Variants in PPP4R4 observed in about 807,000 individuals in gnomAD.
The protein encoded by PPP4R4 is protein phosphatase 4 regulatory subunit 4.
A neutral mutation model predicts 121.8 loss-of-function variants in PPP4R4; 70 were observed. The observed-to-expected ratio is 0.57, with a 90% confidence interval of 0.47 to 0.70. The LOEUF (loss-of-function observed/expected upper bound fraction) is 0.70, where lower values mean the gene tolerates loss of function less well. PPP4R4 is among the 30% of genes least tolerant of loss of function. The pLI, the probability that PPP4R4 is intolerant of heterozygous loss-of-function variation, is 0.00. For synonymous variants in PPP4R4, 348 were observed against 355.7 expected, an observed-to-expected ratio of 0.98 and a Z score of 0.24; for missense variants, 875 against 1,033.6, an observed-to-expected ratio of 0.85 and a Z score of 2.10.
intron 2 of PPP4R4, among the ~76,000 whole-genome samples, chr14:94,198,132 G>A (rs997284926): frequency 1.3e-5 from 2 of 152,024 alleles, no homozygotes; most frequent in Non-Finnish European, 2.9e-5. Flanking sequence ...CAAAATGATC[G>A]TATTATTTTA....
In PPP4R4 at chr14:94,176,077, GAC is replaced by G; in HGVS notation, c.143_144del (p.Thr48SerfsTer3). ...LKTPEEIERL[T>X]VDEDLSDIER... ...AGACACCGGAAGAAATAGAAAGATT[GAC>G]AGTCGATGAAGACCTCAGTGATATT... On this transcript the variant is annotated frameshift_variant, in exon 2 of 25. Transcript: ENST00000304338. LOFTEE classifies it high-confidence loss of function. 6.2e-7 allele frequency: 1 copy of G among 1,612,676 alleles called. No homozygotes were observed. Among genetic ancestry groups the G allele is most frequent in the Non-Finnish European group, 8.5e-7 (1 of 1,178,636 alleles).
intron 2 of PPP4R4, among the ~76,000 whole-genome samples, chr14:94,190,860 A>G (rs1015652813): frequency 7.7e-6 from 1 of 130,244 alleles, no homozygotes; most frequent in Non-Finnish European, 1.6e-5. Flanking sequence ...ACTGTAGAGC[A>G]GTGATTTCCA....
At chr14:94,211,786 T>C (rs1022590769) in intron 3 of PPP4R4, among the ~76,000 whole-genome samples, 10 of 152,146 alleles carry the variant, frequency 6.6e-5, no homozygotes, top group African/African-American at 2.4e-4. Context: ...TAGAGAGCAG[T>C]AGACATATCT....
intron 2 of PPP4R4, among the ~76,000 whole-genome samples, chr14:94,179,732 G>T (rs1468713589): frequency 6.6e-6 from 1 of 152,156 alleles, no homozygotes; most frequent in Admixed American, 6.5e-5. Flanking sequence ...ACTTAGTGGC[G>T]CTTTCTTCAA....
At chr14:94,237,493 C>A in intron 7 of PPP4R4, 72 bp from the exon 8 acceptor site, 2 of 1,412,694 alleles carry the variant, frequency 1.4e-6, no homozygotes, top group Admixed American at 1.9e-5. Context: ...CTAGCCCAGT[C>A]ACTGGTTTTT....
chr14:94,257,324 T>C (rs1319646034), intron 17 of PPP4R4, among the ~76,000 whole-genome samples: 1 of 152,108 alleles, frequency 6.6e-6, no homozygotes, highest in Non-Finnish European at 1.5e-5. Flanking sequence ...TTTTTATAAG[T>C]TGAAGTGAAA....
chr14:94,191,986 AT>A (rs937722130), intron 2 of PPP4R4, among the ~76,000 whole-genome samples: 1 of 151,946 alleles, frequency 6.6e-6, no homozygotes, highest in South Asian at 2.1e-4. Flanking sequence ...GGTGAATCCC[AT>A]TTTTTTTCCT....
At chr14:94,278,588 C>T (rs1434804542) in intron 24 of PPP4R4, 31 bp from the exon 25 acceptor site, 3 of 1,501,754 alleles carry the variant, frequency 2.0e-6, no homozygotes, top group Admixed American at 3.5e-5. Context: ...CCCCACCCTC[C>T]CTCTCTTCCT....
At chr14:94,257,228 A>G (rs1475215428) in intron 17 of PPP4R4, among the ~76,000 whole-genome samples, 1 of 152,126 alleles carries the variant, frequency 6.6e-6, no homozygotes, top group Non-Finnish European at 1.5e-5. Context: ...TGGAAAAACT[A>G]AACAGTAAAA....
rs774615783 is a variant in PPP4R4, at chr14:94,265,428, A to C, written c.2239A>C (p.Ile747Leu). Reference protein sequence around the residue: ...KTPTQSLPKNIPISVPGPSSV... With the variant: ...KTPTQSLPKNLPISVPGPSSV... ...ACCAACGCAAAGTCTGCCCAAGAAC[A>C]TCCCCATTTCTGTTCCTGGACCCTC... The change falls in exon 21 of 25, where the codon ATC (isoleucine) becomes CTC (leucine). Residue 747 changes from isoleucine to leucine, a missense_variant. Coordinates refer to ENST00000304338, the MANE Select transcript of PPP4R4 (RefSeq NM_058237.2). 2 of 1,613,344 alleles carry C rather than the reference A, an allele frequency of 1.2e-6. No homozygotes were observed. The highest frequency in any genetic ancestry group is 1.7e-6 in the Non-Finnish European group (2 of 1,179,294).
chr14:94,263,294 G>T (rs1282260084), intron 19 of PPP4R4, among the ~76,000 whole-genome samples: 2 of 151,842 alleles, frequency 1.3e-5, no homozygotes, highest in East Asian at 1.9e-4. Context: ...AAGAGGCTTT[G>T]TTCTTTCTCA....
At chr14:94,222,603 C>G (rs1302385509) in intron 3 of PPP4R4, among the ~76,000 whole-genome samples, 6 of 150,436 alleles carry the variant, frequency 4.0e-5, no homozygotes, top group Non-Finnish European at 8.9e-5. Context: ...TGAAGAACAC[C>G]TTTTAGTATT....
At chr14:94,235,153 A>T (rs73344807) in intron 7 of PPP4R4, among the ~76,000 whole-genome samples, 4,695 of 152,288 alleles carry the variant, frequency 0.031, 198 homozygotes, top group African/African-American at 0.09. Context: ...CTAATACAAT[A>T]TAAATGCTAT....
intron 4 of PPP4R4, among the ~76,000 whole-genome samples, 173 bp downstream of exon 4, chr14:94,230,907 A>G (rs2139530352): frequency 6.6e-6 from 1 of 152,294 alleles, no homozygotes; most frequent in Middle Eastern, 3.4e-3. Flanking sequence ...AAAACCCACA[A>G]AATTTAATAT....
chr14:94,266,527 T>C (rs1172208906), intron 22 of PPP4R4, among the ~76,000 whole-genome samples: 1 of 152,148 alleles, frequency 6.6e-6, no homozygotes, highest in Non-Finnish European at 1.5e-5. Flanking sequence ...ATAAATTACA[T>C]GTTTCAGGAA....
chr14:94,265,880 T>C lies in PPP4R4; in HGVS notation c.2371T>C (p.Cys791Arg). The C allele has an allele frequency of 6.3e-7, 1 of 1,585,644 alleles. No homozygotes were observed. Among genetic ancestry groups the C allele is most frequent in the Non-Finnish European group, 8.7e-7 (1 of 1,155,596 alleles). Residue 791 changes from cysteine to arginine, a missense_variant, in exon 22 of 25, where the codon TGT (cysteine) becomes CGT (arginine). Transcript: ENST00000304338. ...TGCAAAATATGGCAACTTAGAGAAA[T>C]GTGCTAGGTACGATCTGTAAGCCCT... ...FHAKYGNLEK[C>R]ASKSSTTGYT...
intron 8 of PPP4R4, among the ~76,000 whole-genome samples, chr14:94,238,658 T>C (rs1892469662): frequency 6.6e-6 from 1 of 152,226 alleles, no homozygotes; most frequent in South Asian, 2.1e-4. Context: ...TAGTTATCAG[T>C]AAACATTAAC....
chr14:94,247,588 CAA>C (rs1403591819), intron 14 of PPP4R4, among the ~76,000 whole-genome samples: 2 of 152,128 alleles, frequency 1.3e-5, no homozygotes, highest in Non-Finnish European at 2.9e-5. Context: ...ACCCTGATAC[CAA>C]AATCTGGAAA....
chr14:94,244,245 C>T (rs1892775207), intron 11 of PPP4R4, among the ~76,000 whole-genome samples: 1 of 152,098 alleles, frequency 6.6e-6, no homozygotes, highest in Non-Finnish European at 1.5e-5. Flanking sequence ...TAGAAGTTAC[C>T]CTTTGGGAAG....
Sources: allele counts gnomAD v4.1 joint callset (sites outside exome capture counted in the v4.1 genomes callset), GRCh38; gene constraint gnomAD v4.1.1; transcripts MANE v1.5; gene names NCBI Gene and HGNC (gene_info 2026-07-23, HGNC 2026-07-21).